Variants in AKAP6 observed in about 807,000 individuals in gnomAD.
AKAP6 encodes the protein A-kinase anchoring protein 6, also known as A-kinase anchor protein 6.
AKAP6 carries 58 observed loss-of-function variants against 188.5 expected under a neutral mutation model. That is an observed-to-expected ratio of 0.31 (90% confidence interval 0.25 to 0.38). The LOEUF is 0.38. Ranked by LOEUF, AKAP6 falls within the 10% of genes least tolerant of loss-of-function variation. The pLI is 1.00. For synonymous variants in AKAP6, 989 were observed against 998.6 expected (o/e 0.99, Z 0.18); for missense variants, 2,710 against 2,740.0 (o/e 0.99, Z 0.24).
intron 7 of AKAP6, among the ~76,000 whole-genome samples, chr14:32,603,061 C>T (rs1417640984): frequency 6.6e-6 from 1 of 152,058 alleles, no homozygotes; most frequent in African/African-American, 2.4e-5. Context: ...GAGGTTGGGC[C>T]AGGAGAAGTG....
chr14:32,826,085 A>G (rs940093965), intron 13 of AKAP6, among the ~76,000 whole-genome samples: 1 of 152,146 alleles, frequency 6.6e-6, no homozygotes, highest in Non-Finnish European at 1.5e-5. Context: ...GGCAAACATC[A>G]TTATTTTTTT....
intron 1 of AKAP6, among the ~76,000 whole-genome samples, chr14:32,408,036 C>A (rs928279257): frequency 6.6e-6 from 1 of 152,140 alleles, no homozygotes; most frequent in African/African-American, 2.4e-5. Flanking sequence ...TCTTCCATAA[C>A]CCATGCAAAT....
At chr14:32,460,602 A>C (rs971647425) in intron 2 of AKAP6, among the ~76,000 whole-genome samples, 21 of 152,190 alleles carry the variant, frequency 1.4e-4, no homozygotes, top group African/African-American at 4.6e-4. Flanking sequence ...TCGAGTGCCC[A>C]CATCACCAGG....
Position 32,750,737 on chromosome 14 carries a change from GT to G in AKAP6, c.3372+14868del, listed in dbSNP as rs71293226. 3.8e-3 allele frequency among the ~76,000 whole-genome samples: 529 copies of G among 138,374 alleles called. 5 individuals carry two copies. Among genetic ancestry groups the G allele is most frequent in the African/African-American group, 0.013 (453 of 35,704 alleles). The allele number at this position is 138,374 out of a possible 152,430, so 90.8% of individuals were successfully genotyped here. ...AGGACTGGGTCACTAAATTAATTTT[GT>G]TTTTTTTTTTTTGTTTTTTTTTCAG... On this transcript the variant is annotated intron_variant, in intron 11 of 13. Coordinates refer to ENST00000280979, the MANE Select transcript of AKAP6 (RefSeq NM_004274.5).
intron 11 of AKAP6, among the ~76,000 whole-genome samples, chr14:32,745,013 T>A (rs1357799447): frequency 1.3e-5 from 2 of 152,162 alleles, no homozygotes; most frequent in African/African-American, 4.8e-5. Flanking sequence ...CTCTGTGTTA[T>A]CTTGAATTCT....
At chr14:32,801,229 G>T (rs978744242) in intron 12 of AKAP6, among the ~76,000 whole-genome samples, 3 of 151,230 alleles carry the variant, frequency 2.0e-5, no homozygotes, top group South Asian at 4.2e-4. Flanking sequence ...TTCTTTTTCT[G>T]CTTTTTTTAT....
At chr14:32,483,511 T>A (rs1417115953) in intron 2 of AKAP6, among the ~76,000 whole-genome samples, 1 of 152,084 alleles carries the variant, frequency 6.6e-6, no homozygotes, top group Admixed American at 6.6e-5. Context: ...TGAGATGGAG[T>A]TTCGCTCTTT....
At chr14:32,423,530 T>C (rs1889924687) in intron 1 of AKAP6, among the ~76,000 whole-genome samples, 1 of 152,158 alleles carries the variant, frequency 6.6e-6, no homozygotes, top group Non-Finnish European at 1.5e-5. Context: ...TAACACCTGG[T>C]AAATGCTAAA....
At chr14:32,433,412 T>C in intron 1 of AKAP6, 48 bp from the exon 2 acceptor site, 1 of 1,238,794 alleles carries the variant, frequency 8.1e-7, no homozygotes, top group South Asian at 1.5e-5. Flanking sequence ...TTTCTTTATT[T>C]GGCAATCTTG....
At chr14:32,695,845 G>C (rs3825754) in intron 8 of AKAP6, 145 bp from the exon 9 acceptor site, 541,042 of 994,852 alleles carry the variant, frequency 0.54, 152,170 homozygotes, top group East Asian at 0.83. Context: ...ATTTTGCCCA[G>C]TGTGTAACAA....
chr14:32,766,365 T>C (rs1312684865), intron 11 of AKAP6, among the ~76,000 whole-genome samples: 5 of 152,146 alleles, frequency 3.3e-5, no homozygotes, highest in Non-Finnish European at 5.9e-5. Context: ...TTCTCTTGGG[T>C]ATATATTCAA....
At chr14:32,601,271 T>C (rs1436745473) in intron 7 of AKAP6, among the ~76,000 whole-genome samples, 13 of 152,158 alleles carry the variant, frequency 8.5e-5, no homozygotes, top group Non-Finnish European at 1.0e-4. Context: ...CATTGCCTAA[T>C]TAGGGGATGG....
At chr14:32,396,720 C>T (rs1385789100) in intron 1 of AKAP6, among the ~76,000 whole-genome samples, 1 of 152,076 alleles carries the variant, frequency 6.6e-6, no homozygotes, top group Admixed American at 6.5e-5. Context: ...CTTGCCATCT[C>T]ACTGGGAGCC....
intron 1 of AKAP6, among the ~76,000 whole-genome samples, chr14:32,400,893 A>G (rs1889069020): frequency 6.6e-6 from 1 of 152,214 alleles, no homozygotes; most frequent in African/African-American, 2.4e-5. Context: ...GGACCACAAT[A>G]TAAGAATCAG....
rs550986174 is a variant in AKAP6, at chr14:32,595,725, A to T, written c.2470-3685A>T. On this transcript the variant is annotated intron_variant, in intron 5 of 13. Coordinates refer to ENST00000280979, the MANE Select transcript of AKAP6 (RefSeq NM_004274.5). ...GCATAATTCCTATATAAAATTTTTT[A>T]AAAAAACTTGAATCCCATTGGGCAA... is the stretch of plus-strand genomic sequence containing the variant. 6.4e-4 allele frequency among the ~76,000 whole-genome samples: 97 copies of T among 152,150 alleles called. No individual in the cohort carries two copies. The South Asian group carries it at 0.012, about 18-fold the overall frequency.
intron 2 of AKAP6, among the ~76,000 whole-genome samples, chr14:32,499,140 T>G (rs10142582): frequency 0.63 from 95,735 of 151,792 alleles, 31,116 homozygotes; most frequent in East Asian, 0.91. Context: ...GTTCAGCCCT[T>G]TCATGAACTG....
At chr14:32,738,436 A>G (rs565890842) in intron 11 of AKAP6, among the ~76,000 whole-genome samples, 26 of 152,272 alleles carry the variant, frequency 1.7e-4, no homozygotes, top group African/African-American at 6.3e-4. Flanking sequence ...AAGAAGGTGA[A>G]TGAGTGGATT....
chr14:32,466,735 A>C (rs1594644390), intron 2 of AKAP6, among the ~76,000 whole-genome samples: 2 of 114,214 alleles, frequency 1.8e-5, no homozygotes, highest in South Asian at 2.6e-4. Flanking sequence ...TAGAACTTAA[A>C]GTTCAAAAAA....
intron 12 of AKAP6, among the ~76,000 whole-genome samples, chr14:32,814,533 T>C (rs551869955): frequency 6.6e-6 from 1 of 152,202 alleles, no homozygotes; most frequent in Non-Finnish European, 1.5e-5. Flanking sequence ...GCTTCTTTCA[T>C]GAAACATGTT....
Sources: allele counts gnomAD v4.1 joint callset (sites outside exome capture counted in the v4.1 genomes callset), GRCh38; gene constraint gnomAD v4.1.1; transcripts MANE v1.5; gene names NCBI Gene and HGNC (gene_info 2026-07-23, HGNC 2026-07-21).